KRABD3: variants seen among roughly 807,000 people sequenced by gnomAD.
KRABD3 encodes the protein KRAB domain-containing protein 3.
At chr7:149,723,299 CCG>C in the KRABD3 span, among the ~76,000 whole-genome samples, 1 of 152,190 alleles carries the variant, frequency 6.6e-6, no homozygotes, top group Non-Finnish European at 1.5e-5. Context: ...GGTGGAGGGG[CCG>C]GGGCACAGGT....
At chr7:149,726,726 C>CT in the KRABD3 span, among the ~76,000 whole-genome samples, 2 of 152,076 alleles carry the variant, frequency 1.3e-5, no homozygotes, top group Non-Finnish European at 2.9e-5. Context: ...GGATGAGCCA[C>CT]CGCGCCCAGC....
chr7:149,716,377 G>C, the KRABD3 span, among the ~76,000 whole-genome samples: 1 of 152,236 alleles, frequency 6.6e-6, no homozygotes, highest in Non-Finnish European at 1.5e-5. Flanking sequence ...ATTGGTTGGG[G>C]GAAGGAGGTG....
chr7:149,723,851 T>A, the KRABD3 span: 1 of 1,613,720 alleles, frequency 6.2e-7, no homozygotes, highest in East Asian at 2.2e-5. Flanking sequence ...AACCGACGGC[T>A]ACAGGAGAAT....
the KRABD3 span, chr7:149,724,855 G>A: frequency 6.4e-7 from 1 of 1,556,012 alleles, no homozygotes; most frequent in Non-Finnish European, 8.7e-7. Context: ...TCAAGGTGAG[G>A]CCTGAGATTG....
At chr7:149,722,046 C>A in the KRABD3 span, 1 of 388,422 alleles carries the variant, frequency 2.6e-6, no homozygotes, top group Non-Finnish European at 4.8e-6. Flanking sequence ...GAGCATACCC[C>A]ATTTAGCTGT....
chr7:149,729,259 C>T, the KRABD3 span: 3 of 1,604,404 alleles, frequency 1.9e-6, no homozygotes, highest in South Asian at 1.1e-5. Flanking sequence ...CCGGAGCCTC[C>T]ATCTGGTCAG....
At chr7:149,719,765 C>A in the KRABD3 span, 1 of 1,434,100 alleles carries the variant, frequency 7.0e-7, no homozygotes. This position sits in a 1 kb window ranked among gnomAD's most constrained non-coding sequence, Gnocchi z 5.6. Flanking sequence ...TTAGTCTTTC[C>A]ACCTGAGAAA....
chr7:149,720,166 C>A, the KRABD3 span: 2 of 1,549,098 alleles, frequency 1.3e-6, no homozygotes, highest in South Asian at 2.4e-5. Flanking sequence ...TCCTCCCACT[C>A]ATCGGTCCTC....
chr7:149,728,373 G>A, the KRABD3 span: 24 of 921,778 alleles, frequency 2.6e-5, no homozygotes, highest in Admixed American at 9.4e-5. Flanking sequence ...AAGCAGGGCC[G>A]CGCCAGAGCC....
chr7:149,725,357 G>A, the KRABD3 span: 34 of 1,604,448 alleles, frequency 2.1e-5, no homozygotes, highest in Non-Finnish European at 2.8e-5. Flanking sequence ...CTGGAAGCCT[G>A]TCTGAAGGGC....
the KRABD3 span, chr7:149,734,083 C>T: frequency 4.2e-5 from 66 of 1,561,950 alleles, 1 homozygote; most frequent in South Asian, 2.4e-5. Flanking sequence ...TCGTTCTTGC[C>T]GAGGGTGCAG....
At chr7:149,722,700 G>A in the KRABD3 span, 7 of 1,513,724 alleles carry the variant, frequency 4.6e-6, no homozygotes, top group East Asian at 2.3e-5. Context: ...AATCTCAGCC[G>A]CCCGGAGACC....
chr7:149,720,160 C>G, the KRABD3 span: 1 of 1,550,218 alleles, frequency 6.5e-7, no homozygotes, highest in Non-Finnish European at 8.7e-7. Flanking sequence ...GGTGTCTCCT[C>G]CCACTCATCG....
the KRABD3 span, chr7:149,731,643 GC>G: frequency 2.6e-6 from 4 of 1,552,584 alleles, no homozygotes; most frequent in Admixed American, 1.8e-5. Flanking sequence ...TCGTCTCCCT[GC>G]CCCAAGGTCT....
the KRABD3 span, chr7:149,722,400 C>G: frequency 1.3e-6 from 2 of 1,592,058 alleles, no homozygotes; most frequent in Non-Finnish European, 8.5e-7. Context: ...TAGAAAGGCC[C>G]TCTTGTCTTC....
At chr7:149,732,675 A>G in the KRABD3 span, among the ~76,000 whole-genome samples, 1 of 152,202 alleles carries the variant, frequency 6.6e-6, no homozygotes, top group Non-Finnish European at 1.5e-5. This position sits in a 1 kb window ranked among gnomAD's most constrained non-coding sequence, Gnocchi z 4.0. Flanking sequence ...TAGGGAGAGT[A>G]AAAGCAGAAG....
At chr7:149,731,809 C>T in the KRABD3 span, 12,197 of 1,514,436 alleles carry the variant, frequency 8.1e-3, 806 homozygotes, top group African/African-American at 0.14. Context: ...TCCCTCTGCA[C>T]GGGCCAGGAC....
At chr7:149,730,144 C>T in the KRABD3 span, 1 of 1,506,116 alleles carries the variant, frequency 6.6e-7, no homozygotes, top group Non-Finnish European at 8.9e-7. Flanking sequence ...GTCCCCTGCC[C>T]AGGGTCTGCC....
the KRABD3 span, chr7:149,733,746 C>G: frequency 6.3e-7 from 1 of 1,586,672 alleles, no homozygotes; most frequent in Non-Finnish European, 8.6e-7. Context: ...TGCAGCTCTT[C>G]CCAGCAGCTG....
Sources: allele counts gnomAD v4.1 joint callset (sites outside exome capture counted in the v4.1 genomes callset), GRCh38; gene constraint gnomAD v4.1.1; non-coding constraint Gnocchi (gnomAD v3.1); transcripts MANE v1.5; gene names NCBI Gene and HGNC (gene_info 2026-07-23, HGNC 2026-07-21).